SNRNP35: variants seen among roughly 807,000 people sequenced by gnomAD.
SNRNP35 encodes the protein small nuclear ribonucleoprotein U11/U12 subunit 35.
In SNRNP35, 16 loss-of-function variants were observed where a neutral mutation model predicts 24.3. The ratio of observed to expected loss-of-function variants is 0.66; its 90% CI spans 0.45 to 1.00. The LOEUF (loss-of-function observed/expected upper bound fraction) is 1.00, where lower values mean the gene tolerates loss of function less well. Ranked by LOEUF, SNRNP35 falls within the 50% of genes least tolerant of loss-of-function variation. The probability of loss-of-function intolerance (pLI) is 0.00; values close to 1 mark genes in which losing one functional copy is unlikely to be tolerated. For synonymous variants in SNRNP35, 106 were observed against 124.8 expected, an observed-to-expected ratio of 0.85 and a Z score of 1.00; for missense variants, 292 against 327.2, an observed-to-expected ratio of 0.89 and a Z score of 0.83.
intron 1 of SNRNP35, among the ~76,000 whole-genome samples, chr12:123,460,799 C>T (rs951543843): frequency 2.6e-5 from 4 of 151,362 alleles, no homozygotes; most frequent in African/African-American, 9.7e-5. Context: ...GCTGGGATTA[C>T]AGGCATGCAC....
At chr12:123,462,967 G>A (rs542720097) in intron 1 of SNRNP35, among the ~76,000 whole-genome samples, 3 of 152,196 alleles carry the variant, frequency 2.0e-5, no homozygotes, top group African/African-American at 7.2e-5. Context: ...ATTTGAGTAA[G>A]AGGAAAAAAG....
At chr12:123,468,504 C>T (rs753385924), downstream of SNRNP35, among the ~76,000 whole-genome samples, 25 of 151,994 alleles carry the variant, frequency 1.6e-4, no homozygotes, top group Non-Finnish European at 2.9e-4. Flanking sequence ...GTCTGGGCAA[C>T]GTGGTGAAAA....
rs748280397 is a variant in SNRNP35, at chr12:123,465,972, TG to T, written c.437del (p.Gly146GlufsTer8). 6.2e-7 allele frequency: 1 copy of T among 1,613,650 alleles called. No individual in the cohort carries two copies. The highest frequency in any genetic ancestry group is 8.5e-7 in the Non-Finnish European group (1 of 1,179,906). On this transcript the variant is annotated frameshift_variant, in exon 2 of 2. Coordinates refer to ENST00000526639, the MANE Select transcript of SNRNP35 (RefSeq NM_022717.4). LOFTEE classifies it high-confidence loss of function. This position sits in a 1 kb window ranked among gnomAD's most constrained non-coding sequence, Gnocchi z 4.2. ...TCCCTCGGCGACTTGGAGGCGGTCT[TG>T]GGGGAAAAAAGGAGTCTGGGCAACT... ...WIPRRLGGGL[G>X]GKKESGQLRF...
downstream of SNRNP35, among the ~76,000 whole-genome samples, chr12:123,468,404 G>A (rs1160629937): frequency 6.8e-6 from 1 of 146,958 alleles, no homozygotes; most frequent in African/African-American, 2.5e-5. Context: ...CATGCACACT[G>A]AGGCTGGGCG....
intron 1 of SNRNP35, among the ~76,000 whole-genome samples, chr12:123,462,210 TGACAG>T (rs1880671706): frequency 6.6e-6 from 1 of 152,118 alleles, no homozygotes; most frequent in African/African-American, 2.4e-5. Context: ...AATCTGGACT[TGACAG>T]GCCCAGTAGA....
Position 123,465,838 on chromosome 12 carries a change from A to G in SNRNP35, c.298A>G (p.Lys100Glu). 5.6e-6 allele frequency: 9 copies of G among 1,613,988 alleles called. No homozygotes were observed. Among genetic ancestry groups the G allele is most frequent in the Non-Finnish European group, 6.8e-6 (8 of 1,180,012 alleles). ...FSKGYAFIEY[K>E]EERAVIKAYR... The stretch of plus-strand genomic sequence containing the variant: ...AAAGGGCTACGCCTTCATCGAATAC[A>G]AGGAGGAGCGTGCCGTGATCAAAGC... Residue 100 changes from lysine to glutamate, a missense_variant, in exon 2 of 2, where the codon AAG becomes GAG. Coordinates refer to ENST00000526639, the MANE Select transcript of SNRNP35 (RefSeq NM_022717.4). This position sits in a 1 kb window ranked among gnomAD's most constrained non-coding sequence, Gnocchi z 4.2.
At chr12:123,467,280 C>T (rs1881021395), downstream of SNRNP35, among the ~76,000 whole-genome samples, 1 of 152,248 alleles carries the variant, frequency 6.6e-6, no homozygotes, top group Non-Finnish European at 1.5e-5. Context: ...AAAATGCCGA[C>T]TGCCTTTCTT....
intron 1 of SNRNP35, chr12:123,464,811 A>G (rs556455086): frequency 1.3e-5 from 2 of 152,336 alleles, no homozygotes; most frequent in East Asian, 1.9e-4. Flanking sequence ...TTTGAGACAA[A>G]TAACCCGCTC....
At chr12:123,462,938 A>G (rs974890766) in intron 1 of SNRNP35, among the ~76,000 whole-genome samples, 3 of 152,228 alleles carry the variant, frequency 2.0e-5, no homozygotes, top group African/African-American at 7.2e-5. Context: ...GAAATAAAGC[A>G]GAAAGATCCT....
intron 1 of SNRNP35, among the ~76,000 whole-genome samples, chr12:123,463,309 A>T (rs1880735272): frequency 6.6e-6 from 1 of 150,856 alleles, no homozygotes. Context: ...TGATCGTCCC[A>T]CCTTGGCCTT....
At chr12:123,468,358 C>CAAAAAAAAAAAAAAAA (rs62816460), downstream of SNRNP35, among the ~76,000 whole-genome samples, 1 of 92,260 alleles carries the variant, frequency 1.1e-5, no homozygotes, top group Non-Finnish European at 2.0e-5. Context: ...GACTCTGTCT[C>CAAAAAAAAAAAAAAAA]AAAAAAAAAA....
chr12:123,472,647 G>C lies in SNRNP35; in HGVS notation n.1654G>C, dbSNP rs767786390. 28 of 1,598,078 alleles carry C rather than the reference G, an allele frequency of 1.8e-5. 1 individual carries two copies. The Admixed American group carries it at 4.9e-4, about 28-fold the overall frequency. ...GATGTGCACGTTTCTCTGTGTGTTGGCCAGGCGCTTCTTATCTCGGGAGAA... is the reference window on the plus strand; with the variant it reads ...GATGTGCACGTTTCTCTGTGTGTTGCCCAGGCGCTTCTTATCTCGGGAGAA... On this transcript the variant is annotated non_coding_transcript_exon_variant, in exon 2 of 2. Coordinates refer to the SNRNP35 transcript ENST00000527158.
At chr12:123,461,420 C>T (rs1880626252) in intron 1 of SNRNP35, among the ~76,000 whole-genome samples, 1 of 151,968 alleles carries the variant, frequency 6.6e-6, no homozygotes, top group Non-Finnish European at 1.5e-5. Context: ...GCCACCGCGC[C>T]CGGCTGCCTC....
chr12:123,466,353 C>G lies in SNRNP35; in HGVS notation c.*72C>G. 7.0e-7 allele frequency: 1 copy of G among 1,419,220 alleles called. No individual in the cohort carries two copies. The highest frequency in any genetic ancestry group is 1.4e-5 in the African/African-American group (1 of 70,026). 87.9% of individuals were successfully genotyped at this position (1,419,220 alleles called of 1,614,324 possible). A position where few individuals can be genotyped will look rare whatever the true frequency, so the allele number is the denominator to read the frequency against. On this transcript the variant is annotated 3_prime_UTR_variant, in exon 2 of 2. Transcript: ENST00000526639. ...GGAGGGGGATTGTCTTTCAACGCAG[C>G]GTGAGTCTAATGGTTGAATAAAACT...
chr12:123,465,783 G>T lies in SNRNP35; in HGVS notation c.243G>T (p.Arg81=), dbSNP rs1390632768. 6.2e-7 allele frequency: 1 copy of T among 1,614,144 alleles called. No individual in the cohort carries two copies. The highest frequency in any genetic ancestry group is 8.5e-7 in the Non-Finnish European group (1 of 1,180,030). ...GCTATGGTGACATCCGGCGGCTTCG[G>T]CTGGTCAGGGACTTGGTCACAGGTT... The part of the protein sequence containing the change: ...FSRYGDIRRL[R]LVRDLVTGFS... Residue 81 remains arginine (R), a synonymous_variant, in exon 2 of 2, where the codon CGG becomes CGT. Transcript: ENST00000526639. This position sits in a 1 kb window ranked among gnomAD's most constrained non-coding sequence, Gnocchi z 4.2.
In SNRNP35 at chr12:123,465,511, ATCCACGCTTGC is replaced by A; in HGVS notation, c.-3-24_-3-14del. On this transcript the variant is annotated splice_polypyrimidine_tract_variant and intron_variant, in intron 1 of 1. Coordinates refer to ENST00000526639, the MANE Select transcript of SNRNP35 (RefSeq NM_022717.4). The surrounding 1 kb of genome is among the most constrained non-coding windows in gnomAD (Gnocchi z 4.2). The stretch of plus-strand genomic sequence containing the variant: ...ATGAGTGGCTCAGAGTAGAGGCTCC[ATCCACGCTTGC>A]TCTTATCATTCATAGAACATGAACG... 1 of 1,522,836 alleles carries A rather than the reference ATCCACGCTTGC, an allele frequency of 6.6e-7. No homozygotes were observed. Among genetic ancestry groups the A allele is most frequent in the Non-Finnish European group, 8.8e-7 (1 of 1,135,828 alleles). 94.3% of individuals were successfully genotyped at this position (1,522,836 alleles called of 1,614,324 possible). A position where few individuals can be genotyped will look rare whatever the true frequency, so the allele number is the denominator to read the frequency against.
At position 123,465,173 on chromosome 12, in the gene SNRNP35, G is replaced by A. The variant is rs188793033; in HGVS notation, c.-3-365G>A. 4.8e-4 allele frequency among the ~76,000 whole-genome samples: 73 copies of A among 152,286 alleles called. No individual in the cohort carries two copies. The highest frequency in any genetic ancestry group is 1.7e-3 in the African/African-American group (72 of 41,550). ...TAGTTTTCCTATGATCATTTTAAAG[G>A]TTCTGAAAGAGAAGTCTGGTTTTGA... On this transcript the variant is annotated intron_variant, in intron 1 of 1. Coordinates refer to ENST00000526639, the MANE Select transcript of SNRNP35 (RefSeq NM_022717.4). This position sits in a 1 kb window ranked among gnomAD's most constrained non-coding sequence, Gnocchi z 4.2.
chr12:123,458,494 C>T (rs1322476240), intron 1 of SNRNP35, among the ~76,000 whole-genome samples: 1 of 151,860 alleles, frequency 6.6e-6, no homozygotes, highest in African/African-American at 2.4e-5. Context: ...GGCTTTTCCA[C>T]AGAAACTTAG....
Position 123,466,253 on chromosome 12 carries a change from G to A in SNRNP35, c.713G>A (p.Gly238Glu). Residue 238 changes from glycine to glutamate, a missense_variant, in exon 2 of 2, where the codon GGG (glycine) becomes GAG (glutamate). Transcript: ENST00000526639. ...ERDFRDDRIK[G>E]REKKERGK ...GACTTCAGAGATGACAGGATCAAGG[G>A]GAGGGAGAAGAAGGAAAGAGGCAAG... The A allele has an allele frequency of 1.3e-6, 2 of 1,525,094 alleles. No individual in the cohort carries two copies. The highest frequency in any genetic ancestry group is 8.8e-7 in the Non-Finnish European group (1 of 1,139,176). 94.5% of individuals were successfully genotyped at this position (1,525,094 alleles called of 1,614,324 possible).
Sources: allele counts gnomAD v4.1 joint callset (sites outside exome capture counted in the v4.1 genomes callset), GRCh38; gene constraint gnomAD v4.1.1; non-coding constraint Gnocchi (gnomAD v3.1); transcripts MANE v1.5; gene names NCBI Gene and HGNC (gene_info 2026-07-23, HGNC 2026-07-21).